Variants in ITK observed in about 807,000 individuals in gnomAD.
ITK encodes IL2 inducible T cell kinase.
A neutral mutation model predicts 87.6 loss-of-function variants in ITK; 45 were observed. That is an observed-to-expected ratio of 0.51 (90% CI 0.40 to 0.66). The LOEUF (loss-of-function observed/expected upper bound fraction) is 0.66. ITK is among the 30% of genes least tolerant of loss of function. ITK has a pLI of 0.00. For missense variants in ITK, 605 were observed against 766.3 expected, an observed-to-expected ratio of 0.79 and a Z score of 2.48; for synonymous variants, 303 against 273.6, an observed-to-expected ratio of 1.11 and a Z score of -1.06.
At chr5:157,249,111 T>C (rs574616868) in intron 16 of ITK, 104 bp downstream of exon 16, 2 of 947,902 alleles carry the variant, frequency 2.1e-6, no homozygotes, top group African/African-American at 1.6e-5. Context: ...GCAGGAGGGA[T>C]AACTAATATA....
chr5:157,181,091 G>C lies in ITK; in HGVS notation c.114G>C (p.Leu38=). Residue 38 remains leucine, a synonymous_variant, in exon 1 of 17, where the codon CTG becomes CTC. Transcript: ENST00000422843. ...VRFFVLTKAS[L]AYFEDRHGKK... is the part of the protein sequence containing the mutation. ...TCTTTGTGTTAACCAAAGCCAGCCT[G>C]GCATACTTTGAAGATCGTCATGGGG... 6.2e-7 allele frequency: 1 copy of C among 1,614,042 alleles called. No individual in the cohort carries two copies. Among genetic ancestry groups the C allele is most frequent in the South Asian group, 1.1e-5 (1 of 91,076 alleles).
At chr5:157,192,388 C>T (rs1753769575) in intron 1 of ITK, among the ~76,000 whole-genome samples, 1 of 152,160 alleles carries the variant, frequency 6.6e-6, no homozygotes, top group African/African-American at 2.4e-5. Context: ...GTCACAGGAG[C>T]CACTTTTGAC....
intron 8 of ITK, among the ~76,000 whole-genome samples, chr5:157,233,289 A>G (rs1754696265): frequency 6.6e-6 from 1 of 152,242 alleles, no homozygotes; most frequent in African/African-American, 2.4e-5. Flanking sequence ...ATCTCAGTCC[A>G]TGGCATTGGG....
At chr5:157,249,639 A>C (rs976747192) in intron 16 of ITK, among the ~76,000 whole-genome samples, 2 of 152,244 alleles carry the variant, frequency 1.3e-5, no homozygotes, top group Admixed American at 1.3e-4. Context: ...GTACGACAAC[A>C]AGGTGGAATA....
At chr5:157,247,978 A>G (rs1755056215) in intron 15 of ITK, among the ~76,000 whole-genome samples, 1 of 152,174 alleles carries the variant, frequency 6.6e-6, no homozygotes, top group South Asian at 2.1e-4. Context: ...AAGCATTCTT[A>G]TTTAGGGTCA....
At chr5:157,197,237 C>T (rs1028210421) in intron 1 of ITK, among the ~76,000 whole-genome samples, 2 of 152,092 alleles carry the variant, frequency 1.3e-5, no homozygotes, top group African/African-American at 4.8e-5. Flanking sequence ...TACTTGAACC[C>T]CCATGGATAC....
chr5:157,240,752 T>G (rs907706147), intron 10 of ITK: 1 of 174,928 alleles, frequency 5.7e-6, no homozygotes, highest in Non-Finnish European at 1.2e-5. Context: ...CACAGACATT[T>G]AAACAACCAG....
At chr5:157,203,965 A>G (rs1282951730) in intron 1 of ITK, among the ~76,000 whole-genome samples, 1 of 152,172 alleles carries the variant, frequency 6.6e-6, no homozygotes. Flanking sequence ...ATAATAACAC[A>G]CTATAAATAT....
chr5:157,180,942 G>A lies in ITK; in HGVS notation c.-36G>A. On this transcript the variant is annotated 5_prime_UTR_variant, in exon 1 of 17. Transcript: ENST00000422843. ...CTTTCCTTTGGTTGTGCTAAGAGGT[G>A]ATGCCCAAGGTGCACCACCTTTCAA... is the stretch of plus-strand genomic sequence containing the variant. 4 of 1,611,248 alleles carry A rather than the reference G, an allele frequency of 2.5e-6. No homozygotes were observed. The highest frequency in any genetic ancestry group is 3.4e-6 in the Non-Finnish European group (4 of 1,177,696).
At position 157,194,939 on chromosome 5, in the gene ITK, A is replaced by T. The variant is rs1469349013; in HGVS notation, c.138+13824A>T. On this transcript the variant is annotated intron_variant, in intron 1 of 16. Transcript: ENST00000422843. ...GGGATAACAACATGAATCATAATTC[A>T]TTATAATTTGCTTTTAAGTAGTTCC... 2.0e-5 allele frequency: 3 copies of T among 152,192 alleles called. No individual in the cohort carries two copies. In the South Asian group the frequency reaches 6.2e-4, roughly 31 times the overall value. The allele number at this position is 152,192 out of a possible 1,614,324, so 9.4% of individuals were successfully genotyped here. A position where few individuals can be genotyped will look rare whatever the true frequency, so the allele number is the denominator to read the frequency against.
chr5:157,211,205 C>T, intron 2 of ITK, 82 bp from the exon 3 acceptor site: 1 of 1,130,006 alleles, frequency 8.8e-7, no homozygotes, highest in South Asian at 1.2e-5. Context: ...CCCGAGACCC[C>T]ACTCTCGGCT....
chr5:157,203,569 A>T (rs1416014287), intron 1 of ITK, among the ~76,000 whole-genome samples: 2 of 152,212 alleles, frequency 1.3e-5, no homozygotes, highest in African/African-American at 2.4e-5. Flanking sequence ...AACCCAACAG[A>T]GGTCAAAACA....
chr5:157,243,886 C>A, intron 12 of ITK, 92 bp downstream of exon 12: 1 of 1,215,642 alleles, frequency 8.2e-7, no homozygotes, highest in Non-Finnish European at 1.2e-6. Flanking sequence ...GGGGTACTAT[C>A]TCCCTGCGCA....
intron 8 of ITK, among the ~76,000 whole-genome samples, chr5:157,233,965 T>TATATATATATATA (rs1561661212): frequency 4.3e-4 from 8 of 18,816 alleles, no homozygotes; most frequent in South Asian, 2.6e-3. Context: ...ATATATATAT[T>TATATATATATATA]TTTTTTTTTT....
intron 8 of ITK, among the ~76,000 whole-genome samples, chr5:157,236,142 G>A (rs1022408858): frequency 1.3e-5 from 2 of 152,192 alleles, no homozygotes; most frequent in African/African-American, 4.8e-5. Context: ...GGGAGGCCGA[G>A]GCAGGCGGAT....
intron 2 of ITK, among the ~76,000 whole-genome samples, 200 bp from the exon 3 acceptor site, chr5:157,211,087 C>T (rs896544551): frequency 2.6e-5 from 4 of 152,058 alleles, no homozygotes; most frequent in Admixed American, 6.6e-5. Flanking sequence ...GAATCTGAGA[C>T]GAGCAGCTGA....
chr5:157,211,176 G>A (rs531166422), intron 2 of ITK, 111 bp from the exon 3 acceptor site: 2 of 854,384 alleles, frequency 2.3e-6, no homozygotes, highest in Admixed American at 1.7e-5. Context: ...CCAAATGTTT[G>A]CCTATATGAC....
chr5:157,228,391 A>G, intron 7 of ITK, 30 bp downstream of exon 7: 1 of 1,321,146 alleles, frequency 7.6e-7, no homozygotes. Context: ...TTTGGAAAAT[A>G]CAGTCCTAAG....
At chr5:157,247,136 G>C (rs983853641) in intron 15 of ITK, among the ~76,000 whole-genome samples, 6 of 152,190 alleles carry the variant, frequency 3.9e-5, no homozygotes, top group African/African-American at 9.7e-5. Context: ...TAGAAACCAG[G>C]GGGGAGTTTG....
Sources: allele counts gnomAD v4.1 joint callset (sites outside exome capture counted in the v4.1 genomes callset), GRCh38; gene constraint gnomAD v4.1.1; transcripts MANE v1.5; gene names NCBI Gene and HGNC (gene_info 2026-07-23, HGNC 2026-07-21).